ENOX2: variants seen among roughly 807,000 people sequenced by gnomAD.
The protein encoded by ENOX2 is APK1 antigen.
A neutral mutation model predicts 45.0 loss-of-function variants in ENOX2; 36 were observed. That is an observed-to-expected ratio of 0.80 (90% CI 0.61 to 1.06). ENOX2 has a LOEUF of 1.06. ENOX2 is among the 50% of genes least tolerant of loss of function. The pLI, the probability that ENOX2 is intolerant of heterozygous loss-of-function variation, is 0.00. For missense variants in ENOX2, 423 were observed against 462.5 expected (o/e 0.91, Z 0.78); for synonymous variants, 174 against 152.3 (o/e 1.14, Z -1.05).
chrX:130,706,737 T>C (rs1430249605), intron 3 of ENOX2, among the ~76,000 whole-genome samples: 1 of 112,338 alleles, frequency 8.9e-6, no homozygotes, highest in Non-Finnish European at 1.9e-5. Flanking sequence ...CATTGATTAT[T>C]TGTATACCTT....
chrX:130,628,158 T>C (rs2035600423), intron 13 of ENOX2, 115 bp from the exon 14 acceptor site: 1 of 516,775 alleles, frequency 1.9e-6, no homozygotes, highest in East Asian at 3.3e-5. Context: ...CTGGACACTA[T>C]TCTAAGTTTA....
intron 3 of ENOX2, among the ~76,000 whole-genome samples, chrX:130,764,685 A>T (rs2148360185): frequency 9.0e-6 from 1 of 111,241 alleles, no homozygotes; most frequent in African/African-American, 3.3e-5. Flanking sequence ...TTTCTAGCAC[A>T]TTGCCCTAAT....
chrX:130,804,790 G>T (rs2077273952), intron 2 of ENOX2, among the ~76,000 whole-genome samples: 1 of 111,396 alleles, frequency 9.0e-6, no homozygotes, highest in African/African-American at 3.3e-5. Context: ...ATCTTCCTTG[G>T]TGCATAAGCC....
rs180992737 is a variant in ENOX2 at position 130,748,712 on chromosome X, T to C, written c.-39+34835A>G. On this transcript the variant is annotated intron_variant, in intron 3 of 14. Coordinates refer to ENST00000394363, the MANE Select transcript of ENOX2 (RefSeq NM_006375.4). The stretch of plus-strand genomic sequence containing the variant: ...AAAAGCTATTTTTTCTAGGTGATTG[T>C]GGATATAGTTCCAGTAGACACATTC... 5.6e-4 allele frequency among the ~76,000 whole-genome samples: 63 copies of C among 111,945 alleles called. 1 individual carries two copies. The East Asian group carries it at 0.016, about 29-fold the overall frequency.
intron 3 of ENOX2, among the ~76,000 whole-genome samples, chrX:130,766,196 G>T (rs942680867): frequency 9.0e-6 from 1 of 111,260 alleles, no homozygotes; most frequent in Non-Finnish European, 1.9e-5. Context: ...GCATTTTCCT[G>T]ATTCATAATG....
At chrX:130,875,925 T>C (rs1382080294) in intron 2 of ENOX2, among the ~76,000 whole-genome samples, 1 of 112,051 alleles carries the variant, frequency 8.9e-6, no homozygotes, top group Admixed American at 9.4e-5. Context: ...CCTATTAGTA[T>C]AAAATAAAAA....
At chrX:130,825,445 T>C (rs1006293325) in intron 2 of ENOX2, among the ~76,000 whole-genome samples, 8 of 111,169 alleles carry the variant, frequency 7.2e-5, no homozygotes. Flanking sequence ...AACTGGTATA[T>C]GGTATATCTG....
At chrX:130,653,535 TTTC>T (rs1189887289) in intron 10 of ENOX2, among the ~76,000 whole-genome samples, 1 of 111,288 alleles carries the variant, frequency 9.0e-6, no homozygotes, top group East Asian at 2.8e-4. Context: ...ATCAAGATGC[TTTC>T]TTATCTTCCT....
Position 130,894,579 on chromosome X carries a change from A to ATAAAAT in ENOX2, c.-183+7104_-183+7105insATTTTA, listed in dbSNP as rs376056251. Among the ~76,000 whole-genome samples the ATAAAAT allele has an allele frequency of 3.8e-3, 423 of 110,396 alleles. 3 individuals are homozygous for ATAAAAT. The highest frequency in any genetic ancestry group is 0.013 in the African/African-American group (390 of 30,303). Reference sequence around the variant, plus strand: ...TTGAAAGTATTTCAAAATAAAAATAATAAAAAAAAAGAAAGTGGACTTCAT... The same window carrying ATAAAAT: ...TTGAAAGTATTTCAAAATAAAAATAATAAAATTAAAAAAAAAGAAAGTGGACTTCAT... On this transcript the variant is annotated intron_variant, in intron 2 of 14. Coordinates refer to ENST00000394363, the MANE Select transcript of ENOX2 (RefSeq NM_006375.4).
intron 3 of ENOX2, among the ~76,000 whole-genome samples, chrX:130,703,949 T>G (rs2037972730): frequency 1.8e-5 from 2 of 111,778 alleles, no homozygotes; most frequent in Non-Finnish European, 3.8e-5. Flanking sequence ...CACTACTACC[T>G]CTGTTGAACA....
rs1254993895 is a variant in ENOX2, at chrX:130,670,054, A to G, written c.605T>C (p.Met202Thr). The change falls in exon 7 of 15, where the codon ATG (methionine) becomes ACG (threonine). Residue 202 changes from methionine to threonine, a missense_variant. Physicochemically the swap from Met to Thr is moderately conservative, Grantham distance 81 (BLOSUM62 -1). Around this residue, in one of 5 missense-constraint regions of ENOX2, gnomAD observed 261 missense variants for 306.8 expected, o/e 0.85. Coordinates refer to ENST00000394363, the MANE Select transcript of ENOX2 (RefSeq NM_006375.4). ...TGGTGGACGCAATCTTTCTTCTTCC[A>G]TTCTTCTACGATGGCGCTCCTCTCT... The part of the protein sequence containing the change: ...LAREERHRRR[M>T]EEERLRPPSP... The G allele has an allele frequency of 8.3e-7, 1 of 1,211,015 alleles. No individual in the cohort carries two copies. The highest frequency in any genetic ancestry group is 1.8e-5 in the South Asian group (1 of 56,933).
intron 2 of ENOX2, among the ~76,000 whole-genome samples, chrX:130,784,978 A>G (rs1236394636): frequency 9.1e-6 from 1 of 110,455 alleles, no homozygotes; most frequent in African/African-American, 3.3e-5. Context: ...AAAAAAAAAA[A>G]AACCTTGAAA....
Position 130,873,544 on chromosome X carries a change from G to A in ENOX2, c.-183+28140C>T, listed in dbSNP as rs186552182. On this transcript the variant is annotated intron_variant, in intron 2 of 14. Transcript: ENST00000394363. Reference sequence around the variant, plus strand: ...TTTGACCCAGCAATCCCATTACTGGGTATATACCCAAAGGATTATAAATCA... The same window carrying A: ...TTTGACCCAGCAATCCCATTACTGGATATATACCCAAAGGATTATAAATCA... 2.7e-5 allele frequency among the ~76,000 whole-genome samples: 3 copies of A among 111,726 alleles called. No individual in the cohort carries two copies. In the East Asian group the frequency reaches 8.5e-4, roughly 32 times the overall value.
At chrX:130,821,702 ATT>A (rs1172833791) in intron 2 of ENOX2, among the ~76,000 whole-genome samples, 9 of 80,871 alleles carry the variant, frequency 1.1e-4, no homozygotes, top group Non-Finnish European at 2.2e-4. Context: ...AAAAAAAAAA[ATT>A]AAAAAAAAAA....
chrX:130,900,650 T>A (rs763223372), intron 2 of ENOX2, among the ~76,000 whole-genome samples: 2 of 112,085 alleles, frequency 1.8e-5, no homozygotes, highest in South Asian at 7.5e-4. Flanking sequence ...CTGAAATGCC[T>A]CCCCTCCACT....
intron 4 of ENOX2, 141 bp downstream of exon 4, chrX:130,702,979 T>A: frequency 1.6e-6 from 1 of 614,240 alleles, no homozygotes. Context: ...ACCCAGACTA[T>A]AAAGCTCATA....
chrX:130,722,528 A>G (rs1442161509), intron 3 of ENOX2, among the ~76,000 whole-genome samples: 1 of 112,024 alleles, frequency 8.9e-6, no homozygotes, highest in African/African-American at 3.2e-5. Flanking sequence ...CTGGTTTTCA[A>G]TCTGGCTGTA....
intron 10 of ENOX2, chrX:130,645,820 C>A: frequency 2.7e-6 from 2 of 746,236 alleles, no homozygotes; most frequent in Non-Finnish European, 4.2e-6. Flanking sequence ...TTCCTCAGCA[C>A]CACCTCCAGG....
chrX:130,854,341 A>C (rs2078269440), intron 2 of ENOX2, among the ~76,000 whole-genome samples: 1 of 112,160 alleles, frequency 8.9e-6, no homozygotes. Context: ...ATAGAACAAT[A>C]GAAATTACCT....
Sources: gnomAD v4.1 joint callset for allele counts (sites outside exome capture counted in the v4.1 genomes callset) on GRCh38, gnomAD v4.1.1 for gene constraint, gnomAD v4.1.1 regional missense constraint, MANE v1.5 for transcripts, NCBI Gene and HGNC (gene_info 2026-07-23, HGNC 2026-07-21) for gene names.